ZNF474: variants seen among roughly 807,000 people sequenced by gnomAD.
ZNF474 encodes 4933409D10Rik.
For synonymous variants in ZNF474, 192 were observed against 162.2 expected (o/e 1.18, Z -1.39); for missense variants, 511 against 433.8 (o/e 1.18, Z -1.58).
In ZNF474 at chr5:122,153,072, C is replaced by T. The variant is rs1756242073; in HGVS notation, c.1082C>T (p.Ala361Val). The T allele has an allele frequency of 3.7e-6, 6 of 1,609,788 alleles. No individual in the cohort carries two copies. The highest frequency in any genetic ancestry group is 1.7e-4 in the Middle Eastern group (1 of 6,028). The change falls in exon 2 of 2, where the codon GCC becomes GTC. Residue 361 changes from alanine (A) to valine (V), a missense_variant. By Grantham distance (64) the Ala-to-Val change is moderately conservative. Transcript: ENST00000296600. ...TQDALGEPGGALCL is the reference protein window; with the variant it reads ...TQDALGEPGGVLCL The stretch of plus-strand genomic sequence containing the variant: ...GACGCATTAGGTGAACCTGGTGGTG[C>T]CCTCTGCCTGTAGGGGAACAAGAGA...
intron 1 of ZNF474, among the ~76,000 whole-genome samples, chr5:122,146,796 T>C (rs1480488129): frequency 6.6e-6 from 1 of 152,222 alleles, no homozygotes; most frequent in Non-Finnish European, 1.5e-5. Flanking sequence ...ATATCAAGTG[T>C]TACATAAATG....
intron 1 of ZNF474, among the ~76,000 whole-genome samples, chr5:122,149,961 G>C (rs1270129792): frequency 1.3e-5 from 2 of 151,810 alleles, no homozygotes; most frequent in East Asian, 3.9e-4. Flanking sequence ...AAGAGACAGA[G>C]AGAGAGAAAG....
At chr5:122,135,207 C>T (rs889963570) in intron 1 of ZNF474, among the ~76,000 whole-genome samples, 7 of 152,200 alleles carry the variant, frequency 4.6e-5, no homozygotes, top group African/African-American at 1.7e-4. Flanking sequence ...TGGTGCCATG[C>T]ACCTATAATC....
rs369962675 is a variant in ZNF474, at chr5:122,149,920, TGAGA to T, written c.-212-1841_-212-1838del. ...GTGTGTGTGTGTGTGTGTGCGCGCG[TGAGA>T]GAGAGAGAGAGAGAGAGGGAGGGAG... On this transcript the variant is annotated intron_variant, in intron 1 of 1. Transcript: ENST00000296600. Among the ~76,000 whole-genome samples the T allele has an allele frequency of 3.6e-3, 482 of 133,920 alleles. 9 individuals carry two copies. The South Asian group carries it at 0.036, about 10-fold the overall frequency. 87.9% of individuals were successfully genotyped at this position (133,920 alleles called of 152,430 possible). A position where few individuals can be genotyped will look rare whatever the true frequency, so the allele number is the denominator to read the frequency against.
In ZNF474 at chr5:122,144,428, C is replaced by G. The variant is rs1755932097; in HGVS notation, c.-212-7351C>G. On this transcript the variant is annotated intron_variant, in intron 1 of 1. Transcript: ENST00000296600. ...CTCTGAGCTACAGGCACAGCTGTTA[C>G]TCAGCATCAGCTTATGTTAGATGTT... Among the ~76,000 whole-genome samples the G allele has an allele frequency of 2.0e-5, 3 of 152,316 alleles. 1 individual carries two copies. The highest frequency in any genetic ancestry group is 1.3e-4 in the Admixed American group (2 of 15,294).
At position 122,144,623 on chromosome 5, in the gene ZNF474, T is replaced by G. The variant is rs543867954; in HGVS notation, c.-212-7156T>G. Reference sequence around the variant, plus strand: ...CATAGCTATGGACCAGATGTGCCTATGAGCCAATGCTTAAACAATATTGAA... The same window carrying G: ...CATAGCTATGGACCAGATGTGCCTAGGAGCCAATGCTTAAACAATATTGAA... On this transcript the variant is annotated intron_variant, in intron 1 of 1. Transcript: ENST00000296600. Among the ~76,000 whole-genome samples, 4 of 152,378 alleles carry G rather than the reference T, an allele frequency of 2.6e-5. No homozygotes were observed. The South Asian group carries it at 6.2e-4, about 24-fold the overall frequency.
At chr5:122,150,291 C>T (rs1756131297) in intron 1 of ZNF474, among the ~76,000 whole-genome samples, 1 of 152,156 alleles carries the variant, frequency 6.6e-6, no homozygotes, top group Non-Finnish European at 1.5e-5. Context: ...ACATACTTTT[C>T]CCACATCTGT....
chr5:122,137,499 G>T (rs1365436480), intron 1 of ZNF474, among the ~76,000 whole-genome samples: 2 of 142,506 alleles, frequency 1.4e-5, no homozygotes, highest in East Asian at 2.0e-4. Context: ...AAAGGCCTGA[G>T]TTGACAATAT....
At position 122,152,562 on chromosome 5, in the gene ZNF474, G is replaced by C. The variant is rs749712326; in HGVS notation, c.572G>C (p.Gly191Ala). 6 of 1,614,174 alleles carry C rather than the reference G, an allele frequency of 3.7e-6. No individual in the cohort carries two copies. In the South Asian group the frequency reaches 6.6e-5, roughly 18 times the overall value. Residue 191 changes from glycine (G) to alanine (A), a missense_variant, in exon 2 of 2, where the codon GGT (glycine) becomes GCT (alanine). Gly to Ala is a moderately conservative substitution (Grantham distance 60). Transcript: ENST00000296600. ...CATCACAGAAGCTGCAAGCCAAAGG[G>C]TGAGGGTCCCAGAGCACCACACTCA... ...LVHHRSCKPKGEGPRAPHSNS... is the reference protein window; with the variant it reads ...LVHHRSCKPKAEGPRAPHSNS...
chr5:122,135,808 C>A (rs1165766728), intron 1 of ZNF474, among the ~76,000 whole-genome samples: 1 of 151,920 alleles, frequency 6.6e-6, no homozygotes, highest in Non-Finnish European at 1.5e-5. Flanking sequence ...TATTATTCAG[C>A]CATAAAAAGA....
chr5:122,139,204 A>C (rs1185135316), intron 1 of ZNF474, among the ~76,000 whole-genome samples: 5 of 152,194 alleles, frequency 3.3e-5, no homozygotes, highest in Non-Finnish European at 7.4e-5. Flanking sequence ...GTAAAATACC[A>C]TGTCAAACGG....
Position 122,134,123 on chromosome 5 carries a change from C to T in ZNF474, c.-213+4440C>T, listed in dbSNP as rs372205467. Among the ~76,000 whole-genome samples the T allele has an allele frequency of 7.7e-4, 117 of 152,214 alleles. 2 individuals are homozygous for T. In the South Asian group the frequency reaches 0.011, roughly 14 times the overall value. ...CCTGAGGGATCAGTGATGATTTCTGCGGAGTCTTACAAACACGAAGAAACA... is the reference window on the plus strand; with the variant it reads ...CCTGAGGGATCAGTGATGATTTCTGTGGAGTCTTACAAACACGAAGAAACA... On this transcript the variant is annotated intron_variant, in intron 1 of 1. Transcript: ENST00000296600.
Position 122,152,640 on chromosome 5 carries a change from C to A in ZNF474, c.650C>A (p.Ala217Asp). The change falls in exon 2 of 2, where the codon GCC (alanine) becomes GAC (aspartate). Residue 217 changes from alanine to aspartate, a missense_variant. Coordinates refer to ENST00000296600, the MANE Select transcript of ZNF474 (RefSeq NM_207317.3). ...GLKKACSGTP[A>D]RPRTVICYIC... ...AAGAAAGCTTGTAGTGGAACCCCAG[C>A]CCGACCAAGGACTGTTATCTGCTAC... The A allele has an allele frequency of 1.2e-6, 2 of 1,614,182 alleles. No homozygotes were observed. Among genetic ancestry groups the A allele is most frequent in the Non-Finnish European group, 1.7e-6 (2 of 1,180,026 alleles).
In ZNF474 at chr5:122,153,184, A is replaced by G; in HGVS notation, c.*99A>G. 1 of 1,477,936 alleles carries G rather than the reference A, an allele frequency of 6.8e-7. No individual in the cohort carries two copies. The highest frequency in any genetic ancestry group is 1.4e-5 in the South Asian group (1 of 71,660). 91.6% of individuals were successfully genotyped at this position (1,477,936 alleles called of 1,614,324 possible). ...AGCCTCAAAGCAGCCTGTTCAAGTT[A>G]ACTCCCTGTTGAACTCCAGGGCCTA... On this transcript the variant is annotated 3_prime_UTR_variant, in exon 2 of 2. Transcript: ENST00000296600.
At chr5:122,129,888 T>C (rs1755537614) in intron 1 of ZNF474, among the ~76,000 whole-genome samples, 1 of 152,204 alleles carries the variant, frequency 6.6e-6, no homozygotes, top group African/African-American at 2.4e-5. Context: ...AATTAGTTCT[T>C]AAGTGAAAAA....
At chr5:122,134,632 C>A (rs961553162) in intron 1 of ZNF474, among the ~76,000 whole-genome samples, 1 of 152,124 alleles carries the variant, frequency 6.6e-6, no homozygotes, top group Non-Finnish European at 1.5e-5. Flanking sequence ...CCAGATTTAT[C>A]CTGTAGGCCA....
chr5:122,135,443 T>C (rs1420143372), intron 1 of ZNF474, among the ~76,000 whole-genome samples: 4 of 152,130 alleles, frequency 2.6e-5, no homozygotes, highest in Non-Finnish European at 4.4e-5. Flanking sequence ...TAAAACAAGA[T>C]ATCATCTCAT....
At chr5:122,137,640 G>T (rs1373739132) in intron 1 of ZNF474, among the ~76,000 whole-genome samples, 1 of 151,986 alleles carries the variant, frequency 6.6e-6, no homozygotes, top group South Asian at 2.1e-4. Context: ...GTAAGAGAGA[G>T]TTTGACTTGC....
At position 122,153,347 on chromosome 5, in the gene ZNF474, C is replaced by G. The variant is rs868001492; in HGVS notation, c.*262C>G. ...TGATACAAATAATCCCTGGGAGAGACAGTAATTTGAAAATGAGTCATTAAT... is the reference window on the plus strand; with the variant it reads ...TGATACAAATAATCCCTGGGAGAGAGAGTAATTTGAAAATGAGTCATTAAT... On this transcript the variant is annotated 3_prime_UTR_variant, in exon 2 of 2. Coordinates refer to ENST00000296600, the MANE Select transcript of ZNF474 (RefSeq NM_207317.3). 18 of 427,728 alleles carry G rather than the reference C, an allele frequency of 4.2e-5. No homozygotes were observed. Among genetic ancestry groups the G allele is most frequent in the Admixed American group, 4.0e-4 (10 of 25,220 alleles). 26.5% of individuals were successfully genotyped at this position (427,728 alleles called of 1,614,324 possible). A position where few individuals can be genotyped will look rare whatever the true frequency, so the allele number is the denominator to read the frequency against.
Sources: allele counts gnomAD v4.1 joint callset (sites outside exome capture counted in the v4.1 genomes callset), GRCh38; gene constraint gnomAD v4.1.1; transcripts MANE v1.5; gene names NCBI Gene and HGNC (gene_info 2026-07-23, HGNC 2026-07-21).